Variants in MYO1E observed in about 807,000 individuals in gnomAD.
MYO1E encodes unconventional myosin-Ie.
Under a neutral mutation model 151.1 loss-of-function variants are expected in MYO1E, and 68 were observed. The observed-to-expected ratio is 0.45, with a 90% CI of 0.37 to 0.55. The LOEUF (loss-of-function observed/expected upper bound fraction) is 0.55. MYO1E is among the 20% of genes least tolerant of loss of function. The pLI is 0.00. For missense variants in MYO1E, 1,363 were observed against 1,389.3 expected (o/e 0.98, Z 0.30); for synonymous variants, 601 against 501.7 (o/e 1.20, Z -2.64).
At chr15:59,212,761 G>A (rs2079887161) in intron 12 of MYO1E, 1 of 152,142 alleles carries the variant, frequency 6.6e-6, no homozygotes, top group Admixed American at 6.5e-5. Flanking sequence ...GAACAGCCCT[G>A]GCTAAAATAT....
intron 2 of MYO1E, chr15:59,266,893 C>A (rs1216410359): frequency 6.6e-6 from 1 of 151,800 alleles, no homozygotes; most frequent in African/African-American, 2.4e-5. Flanking sequence ...GATCTCCTGA[C>A]CTTGTGATCC....
At chr15:59,239,430 A>AAG (rs1212795220) in intron 4 of MYO1E, among the ~76,000 whole-genome samples, 1 of 151,114 alleles carries the variant, frequency 6.6e-6, no homozygotes, top group Admixed American at 6.6e-5. Flanking sequence ...CAAGCTGGGA[A>AAG]AGAGAGAGAG....
chr15:59,322,642 T>C (rs11071428), intron 1 of MYO1E, among the ~76,000 whole-genome samples: 101,179 of 152,116 alleles, frequency 0.67, 39,451 homozygotes, highest in Non-Finnish European at 0.85. Context: ...CTGGCTATTT[T>C]AAAAGCATAA....
chr15:59,214,751 T>G (rs750511637), intron 10 of MYO1E, 31 bp from the exon 11 acceptor site: 1 of 1,544,536 alleles, frequency 6.5e-7, no homozygotes, highest in Admixed American at 1.7e-5. Context: ...GGCAGTGAAC[T>G]CCTTTCCATT....
In MYO1E at chr15:59,319,550, C is replaced by CTTTTTTTTTTT. The variant is rs59491381; in HGVS notation, c.4-47112_4-47102dup. On this transcript the variant is annotated intron_variant, in intron 1 of 27. Transcript: ENST00000288235. ...AAGATAGGAAAAGAAGTCAAACTAC[C>CTTTTTTTTTTT]TTTTTTTTTTTTTTTTTTTTTTTTT... Among the ~76,000 whole-genome samples the CTTTTTTTTTTT allele has an allele frequency of 2.8e-3, 179 of 63,672 alleles. 15 individuals carry two copies. The highest frequency in any genetic ancestry group is 4.6e-3 in the African/African-American group (102 of 22,366). The allele number at this position is 63,672 out of a possible 152,430, so 41.8% of individuals were successfully genotyped here.
intron 1 of MYO1E, among the ~76,000 whole-genome samples, chr15:59,330,793 G>A (rs749354595): frequency 6.6e-6 from 1 of 152,038 alleles, no homozygotes; most frequent in African/African-American, 2.4e-5. Flanking sequence ...TTTTGAGACC[G>A]AGTCTTGCTC....
chr15:59,242,011 G>A (rs11632422), intron 4 of MYO1E, among the ~76,000 whole-genome samples: 146,469 of 152,240 alleles, frequency 0.96, 70,708 homozygotes, highest in East Asian at 1. Context: ...AGGGAGTGGA[G>A]CTGGAAGGCA....
intron 1 of MYO1E, among the ~76,000 whole-genome samples, chr15:59,278,326 A>G (rs2080333693): frequency 6.6e-6 from 1 of 152,232 alleles, no homozygotes; most frequent in Non-Finnish European, 1.5e-5. Context: ...ACAATGGACA[A>G]TGGGTAACAC....
intron 1 of MYO1E, among the ~76,000 whole-genome samples, chr15:59,283,405 A>C (rs1191282000): frequency 6.6e-6 from 1 of 151,604 alleles, no homozygotes; most frequent in African/African-American, 2.4e-5. Context: ...TGCCTACTAA[A>C]CTCTCACCCA....
intron 1 of MYO1E, among the ~76,000 whole-genome samples, chr15:59,356,702 C>T (rs1171557892): frequency 1.3e-5 from 2 of 151,974 alleles, no homozygotes; most frequent in African/African-American, 4.8e-5. Context: ...ATAAGCCTCC[C>T]AAGTAGCTGG....
intron 1 of MYO1E, among the ~76,000 whole-genome samples, chr15:59,298,854 T>C (rs538494380): frequency 1.1e-4 from 16 of 152,364 alleles, no homozygotes; most frequent in African/African-American, 3.8e-4. Context: ...ATTCCCGCCA[T>C]TCTTGTTTCC....
chr15:59,210,336 T>C (rs1311970045), intron 13 of MYO1E, among the ~76,000 whole-genome samples, 178 bp downstream of exon 13: 3 of 152,024 alleles, frequency 2.0e-5, no homozygotes, highest in Non-Finnish European at 4.4e-5. Context: ...TCATATTTAC[T>C]GCCAGAATAA....
At position 59,134,821 on chromosome 15, in the gene MYO1E, T is replaced by G. The variant is rs755887108; in HGVS notation, c.*2559A>C. 1.3e-5 allele frequency: 2 copies of G among 152,194 alleles called. No homozygotes were observed. The highest frequency in any genetic ancestry group is 2.9e-5 in the Non-Finnish European group (2 of 68,040). 9.4% of individuals were successfully genotyped at this position (152,194 alleles called of 1,614,324 possible). ...GTAAGTGACTCCTAAAGTGGTCATA[T>G]TTGCTTAACTGCACAGTGAACAAAA... On this transcript the variant is annotated 3_prime_UTR_variant, in exon 28 of 28. Coordinates refer to ENST00000288235, the MANE Select transcript of MYO1E (RefSeq NM_004998.4).
At position 59,143,054 on chromosome 15, in the gene MYO1E, CTG is replaced by C. The variant is rs1445930715; in HGVS notation, c.3081-4689_3081-4688del. On this transcript the variant is annotated intron_variant, in intron 26 of 27. Transcript: ENST00000288235. Reference sequence around the variant, plus strand: ...CTAAGGGGATGCAGGACGCAAAAAGCTGTGTGTATGTGGCCACTGCGTGGTCT... The same window carrying C: ...CTAAGGGGATGCAGGACGCAAAAAGCTGTGTATGTGGCCACTGCGTGGTCT... Among the ~76,000 whole-genome samples the C allele has an allele frequency of 2.6e-5, 4 of 151,972 alleles. No individual in the cohort carries two copies. In the South Asian group the frequency reaches 6.2e-4, roughly 24 times the overall value.
intron 15 of MYO1E, among the ~76,000 whole-genome samples, chr15:59,204,247 C>T (rs1450416928): frequency 2.0e-5 from 3 of 152,072 alleles, no homozygotes; most frequent in South Asian, 2.1e-4. Context: ...TGCAAGGAAG[C>T]GCAGGGATGG....
intron 1 of MYO1E, among the ~76,000 whole-genome samples, chr15:59,319,570 T>G (rs1220436772): frequency 7.5e-6 from 1 of 132,634 alleles, no homozygotes; most frequent in African/African-American, 2.8e-5. Context: ...TTTTTTTTTT[T>G]TTTTTTTTTT....
Position 59,161,174 on chromosome 15 carries a change from C to CG in MYO1E, c.2683dup (p.Arg895ProfsTer19). The CG allele has an allele frequency of 6.2e-7, 1 of 1,614,042 alleles. No homozygotes were observed. Among genetic ancestry groups the CG allele is most frequent in the Admixed American group, 1.7e-5 (1 of 60,024 alleles). ...AAACCCTTGGTGGAACTGCACTTGC[C>CG]GGGAGCCCCCTGCACTCCAGGGGCC... On this transcript the variant is annotated frameshift_variant, in exon 24 of 28. Coordinates refer to ENST00000288235, the MANE Select transcript of MYO1E (RefSeq NM_004998.4). LOFTEE classifies it high-confidence loss of function.
At chr15:59,365,493 G>C (rs2080907870) in intron 1 of MYO1E, among the ~76,000 whole-genome samples, 1 of 152,130 alleles carries the variant, frequency 6.6e-6, no homozygotes, top group Admixed American at 6.5e-5. Context: ...AATAAGGTTA[G>C]ATCTGCACTG....
intron 1 of MYO1E, among the ~76,000 whole-genome samples, chr15:59,302,057 G>A (rs1334218482): frequency 6.6e-6 from 1 of 152,100 alleles, no homozygotes. Context: ...CAGAACTAAA[G>A]CCTCTGTTGG....
Sources: gnomAD v4.1 joint callset for allele counts (sites outside exome capture counted in the v4.1 genomes callset) on GRCh38, gnomAD v4.1.1 for gene constraint, MANE v1.5 for transcripts, NCBI Gene and HGNC (gene_info 2026-07-23, HGNC 2026-07-21) for gene names.